ASZ1: variants seen among roughly 807,000 people sequenced by gnomAD.
ASZ1 encodes the protein ankyrin repeat, SAM and basic leucine zipper domain containing 1.
Under a neutral mutation model 61.8 loss-of-function variants are expected in ASZ1, and 67 were observed. The ratio of observed to expected loss-of-function variants is 1.08; its 90% confidence interval spans 0.89 to 1.33. The LOEUF (loss-of-function observed/expected upper bound fraction) is 1.33. ASZ1 is among the 40% of genes most tolerant of loss of function. ASZ1 has a pLI of 0.00. For synonymous variants in ASZ1, 193 were observed against 192.7 expected (o/e 1.00, Z -0.01); for missense variants, 577 against 554.5 (o/e 1.04, Z -0.41).
intron 10 of ASZ1, among the ~76,000 whole-genome samples, chr7:117,372,126 G>A (rs1186344141): frequency 2.6e-5 from 4 of 152,040 alleles, no homozygotes; most frequent in Non-Finnish European, 4.4e-5. Context: ...AACTTTATAT[G>A]GCAGGCCTGA....
chr7:117,375,529 T>G (rs536188015), intron 10 of ASZ1, among the ~76,000 whole-genome samples: 2 of 152,194 alleles, frequency 1.3e-5, no homozygotes, highest in South Asian at 4.1e-4. Context: ...TTTGAGAGAT[T>G]TGCTTCAACC....
chr7:117,376,941 T>G (rs1013995262), intron 10 of ASZ1, among the ~76,000 whole-genome samples: 1 of 151,236 alleles, frequency 6.6e-6, no homozygotes, highest in Non-Finnish European at 1.5e-5. Context: ...CCCACTGCCA[T>G]GAGGGAAAAA....
At chr7:117,422,451 G>T in intron 2 of ASZ1, 92 bp from the exon 3 acceptor site, 2 of 1,307,750 alleles carry the variant, frequency 1.5e-6, no homozygotes, top group Non-Finnish European at 2.0e-6. Flanking sequence ...GTAAAGTGAC[G>T]TACATCATGT....
chr7:117,407,339 T>G (rs890107504), intron 4 of ASZ1, among the ~76,000 whole-genome samples: 1 of 151,472 alleles, frequency 6.6e-6, no homozygotes, highest in Admixed American at 6.6e-5. Context: ...ATCAGGGATA[T>G]AGGAGGCTTA....
At chr7:117,387,719 C>G (rs1796388196) in intron 4 of ASZ1, among the ~76,000 whole-genome samples, 1 of 152,184 alleles carries the variant, frequency 6.6e-6, no homozygotes, top group Non-Finnish European at 1.5e-5. Context: ...TTGCCATAGT[C>G]TCATAACTGC....
intron 8 of ASZ1, 79 bp downstream of exon 8, chr7:117,381,990 A>G (rs1240884939): frequency 5.7e-6 from 5 of 882,614 alleles, no homozygotes; most frequent in Non-Finnish European, 9.0e-6. Context: ...AGACATGTTT[A>G]TGAATTAATA....
intron 4 of ASZ1, among the ~76,000 whole-genome samples, chr7:117,387,477 CA>C: frequency 6.6e-6 from 1 of 152,192 alleles, no homozygotes; most frequent in Non-Finnish European, 1.5e-5. Flanking sequence ...CACTTACCTG[CA>C]TAATAACCCA....
chr7:117,371,073 C>T (rs924940196), intron 10 of ASZ1, among the ~76,000 whole-genome samples: 2 of 152,074 alleles, frequency 1.3e-5, no homozygotes, highest in Admixed American at 1.3e-4. Flanking sequence ...GATCAATCTG[C>T]CTCAGCCTCC....
intron 4 of ASZ1, among the ~76,000 whole-genome samples, chr7:117,401,408 A>G (rs530282773): frequency 1.6e-4 from 25 of 152,008 alleles, no homozygotes; most frequent in Non-Finnish European, 3.4e-4. Flanking sequence ...AAAAAAGACC[A>G]ACAGAAAATA....
chr7:117,402,751 C>G (rs971241580), intron 4 of ASZ1, among the ~76,000 whole-genome samples: 1 of 152,064 alleles, frequency 6.6e-6, no homozygotes, highest in Non-Finnish European at 1.5e-5. Context: ...TGGTAGGACG[C>G]GGGTAGTCCT....
chr7:117,390,444 T>C (rs1312002262), intron 4 of ASZ1, among the ~76,000 whole-genome samples: 4 of 152,072 alleles, frequency 2.6e-5, no homozygotes, highest in Non-Finnish European at 5.9e-5. Flanking sequence ...GCTGGGATTA[T>C]GGGCATGAGC....
At chr7:117,379,560 G>T (rs1055489423) in intron 10 of ASZ1, among the ~76,000 whole-genome samples, 1 of 151,556 alleles carries the variant, frequency 6.6e-6, no homozygotes, top group Non-Finnish European at 1.5e-5. Flanking sequence ...CATGAGACAT[G>T]TTTTCTTATT....
chr7:117,404,810 C>T (rs1796751390), intron 4 of ASZ1, among the ~76,000 whole-genome samples: 2 of 152,132 alleles, frequency 1.3e-5, no homozygotes, highest in Non-Finnish European at 2.9e-5. Context: ...ATGGTCTGAT[C>T]CCCATGATTG....
At chr7:117,376,550 T>C (rs1796140465) in intron 10 of ASZ1, among the ~76,000 whole-genome samples, 1 of 151,978 alleles carries the variant, frequency 6.6e-6, no homozygotes, top group South Asian at 2.1e-4. Flanking sequence ...CTTAGCAAAA[T>C]ACTGGCAAAT....
At chr7:117,380,234 A>T (rs1024639331) in intron 9 of ASZ1, among the ~76,000 whole-genome samples, 187 bp from the exon 10 acceptor site, 4 of 151,852 alleles carry the variant, frequency 2.6e-5, no homozygotes, top group Non-Finnish European at 4.4e-5. Flanking sequence ...ACAGCATTAG[A>T]ATATTGAGAT....
chr7:117,400,984 T>C (rs987781782), intron 4 of ASZ1, among the ~76,000 whole-genome samples: 8 of 152,180 alleles, frequency 5.3e-5, no homozygotes, highest in African/African-American at 1.9e-4. Flanking sequence ...TGTACCAAAG[T>C]TTTATATAAT....
Position 117,363,779 on chromosome 7 carries a change from A to T in ASZ1, c.1276-31T>A, listed in dbSNP as rs1345243625. ...ATTTAGTATGGAAAAAGAAAAGAGG[A>T]GTTACTGTACAATACATTAATAAAA... On this transcript the variant is annotated intron_variant, in intron 12 of 12. Transcript: ENST00000284629. 7 of 1,523,006 alleles carry T rather than the reference A, an allele frequency of 4.6e-6. No homozygotes were observed. The South Asian group carries it at 8.8e-5, about 19-fold the overall frequency. The allele number at this position is 1,523,006 out of a possible 1,614,324, so 94.3% of individuals were successfully genotyped here.
At chr7:117,390,476 T>G (rs1372181382) in intron 4 of ASZ1, among the ~76,000 whole-genome samples, 1 of 152,120 alleles carries the variant, frequency 6.6e-6, no homozygotes, top group African/African-American at 2.4e-5. Context: ...GCTGCTATTG[T>G]GAATGGTGCT....
chr7:117,416,834 A>C (rs1797002687), intron 4 of ASZ1, among the ~76,000 whole-genome samples: 1 of 152,314 alleles, frequency 6.6e-6, no homozygotes, highest in Admixed American at 6.5e-5. Context: ...GAGATTTCTA[A>C]TTAGTTAAGT....
Sources: gnomAD v4.1 joint callset for allele counts (sites outside exome capture counted in the v4.1 genomes callset) on GRCh38, gnomAD v4.1.1 for gene constraint, MANE v1.5 for transcripts, NCBI Gene and HGNC (gene_info 2026-07-23, HGNC 2026-07-21) for gene names.